The following INTS3 variants were observed in gnomAD, a reference collection of about 807,000 sequenced individuals.
INTS3 encodes SOSS complex subunit A.
A neutral mutation model predicts 146.3 loss-of-function variants in INTS3; 34 were observed. That is an observed-to-expected ratio of 0.23 (90% CI 0.18 to 0.31). The LOEUF (loss-of-function observed/expected upper bound fraction) is 0.31, where lower values mean the gene tolerates loss of function less well. Ranked by LOEUF, INTS3 falls within the 10% of genes least tolerant of loss-of-function variation. INTS3 has a pLI of 1.00. For synonymous variants in INTS3, 475 were observed against 494.9 expected, an observed-to-expected ratio of 0.96 and a Z score of 0.53; for missense variants, 757 against 1,304.2, an observed-to-expected ratio of 0.58 and a Z score of 6.46.
At position 153,728,118 on chromosome 1, in the gene INTS3, G is replaced by T. The variant is rs560175716; in HGVS notation, c.-517G>T. 24 of 387,386 alleles carry T rather than the reference G, an allele frequency of 6.2e-5. No homozygotes were observed. The Admixed American group carries it at 1.1e-3, about 18-fold the overall frequency. The allele number at this position is 387,386 out of a possible 1,614,324, so 24.0% of individuals were successfully genotyped here. A position where few individuals can be genotyped will look rare whatever the true frequency, so the allele number is the denominator to read the frequency against. ...GTGTGGGGAGACGCTGGTCCTCCCC[G>T]TCCTCCCATAGCGCTTATTGCCTCA... On this transcript the variant is annotated 5_prime_UTR_variant, in exon 1 of 30. Coordinates refer to ENST00000318967, the MANE Select transcript of INTS3 (RefSeq NM_023015.5).
At chr1:153,763,778 T>C in intron 16 of INTS3, 54 bp from the exon 17 acceptor site, 1 of 1,469,952 alleles carries the variant, frequency 6.8e-7, no homozygotes, top group East Asian at 2.3e-5. Flanking sequence ...GTGTGTGTCC[T>C]GCCCTCTGCT....
intron 10 of INTS3, among the ~76,000 whole-genome samples, chr1:153,758,479 A>T (rs1413895508): frequency 6.6e-6 from 1 of 152,182 alleles, no homozygotes; most frequent in Non-Finnish European, 1.5e-5. Context: ...ATTGTCCCCT[A>T]TGGGAATCAG....
In INTS3 at chr1:153,763,357, G is replaced by T; in HGVS notation, c.1761G>T (p.Lys587Asn). The change falls in exon 16 of 30, where the codon AAG becomes AAT. Residue 587 changes from lysine (K) to asparagine (N), a missense_variant. Transcript: ENST00000318967. ...SLRDKVLQLQ[K>N]GSDTEAQCEV... Reference sequence around the variant, plus strand: ...GGGACAAAGTACTCCAGCTACAGAAGGGGAGGTGGGTACAGACCTTGTTCT... The same window carrying T: ...GGGACAAAGTACTCCAGCTACAGAATGGGAGGTGGGTACAGACCTTGTTCT... The T allele has an allele frequency of 6.2e-7, 1 of 1,614,040 alleles. No individual in the cohort carries two copies. The highest frequency in any genetic ancestry group is 1.1e-5 in the South Asian group (1 of 91,080).
intron 22 of INTS3, among the ~76,000 whole-genome samples, chr1:153,769,396 A>G (rs1367210942): frequency 1.3e-5 from 2 of 151,674 alleles, no homozygotes; most frequent in Non-Finnish European, 2.9e-5. Flanking sequence ...CCTCCTCTCC[A>G]CTTAGTTCTC....
chr1:153,770,178 GTTTCT>G lies in INTS3; in HGVS notation c.2390-16_2390-12del. ...TCGTTTGTTCATTCTTGAGAGAGAT[GTTTCT>G]TTTGTCTCTTCCAGTTCAGAGCCTA... On this transcript the variant is annotated splice_polypyrimidine_tract_variant and intron_variant, in intron 23 of 29. Transcript: ENST00000318967. 2 of 1,443,010 alleles carry G rather than the reference GTTTCT, an allele frequency of 1.4e-6. No homozygotes were observed. The highest frequency in any genetic ancestry group is 1.9e-6 in the Non-Finnish European group (2 of 1,029,762). 89.4% of individuals were successfully genotyped at this position (1,443,010 alleles called of 1,614,324 possible).
chr1:153,755,357 G>A (rs1672123162), intron 9 of INTS3, among the ~76,000 whole-genome samples: 2 of 152,146 alleles, frequency 1.3e-5, no homozygotes, highest in African/African-American at 2.4e-5. Context: ...TCCGCCTGTT[G>A]GGTTCAAGTG....
At position 153,764,690 on chromosome 1, in the gene INTS3, G is replaced by A. The variant is rs1234642692; in HGVS notation, c.1926G>A (p.Glu642=). The change falls in exon 19 of 30, where the codon GAG becomes GAA. Residue 642 remains glutamate (E), a splice_region_variant and synonymous_variant. Coordinates refer to ENST00000318967, the MANE Select transcript of INTS3 (RefSeq NM_023015.5). Reference sequence around the variant, plus strand: ...CTCAAATATAACCCTCTTCTTGTAGGTCCCTGGAGGAGTCTGTAGGAAAGC... The same window carrying A: ...CTCAAATATAACCCTCTTCTTGTAGATCCCTGGAGGAGTCTGTAGGAAAGC... ...GEVLPEEITE[E]SLEESVGKPL... 1 of 1,606,720 alleles carries A rather than the reference G, an allele frequency of 6.2e-7. No homozygotes were observed. The highest frequency in any genetic ancestry group is 8.5e-7 in the Non-Finnish European group (1 of 1,173,326).
Position 153,741,354 on chromosome 1 carries a change from G to A in INTS3, c.304G>A (p.Ala102Thr), listed in dbSNP as rs1338196544. The change falls in exon 3 of 30, where the codon GCC becomes ACC. Residue 102 changes from alanine to threonine, a missense_variant. Ala to Thr is a moderately conservative substitution (Grantham distance 58, BLOSUM62 0). Around this residue, in one of 8 missense-constraint regions of INTS3, gnomAD observed 160 missense variants for 193.7 expected, o/e 0.83. Coordinates refer to ENST00000318967, the MANE Select transcript of INTS3 (RefSeq NM_023015.5). ...GLFTLILTEP[A>T]QAQKCYRDLA... ...GTTTACTCTCATCCTCACTGAACCT[G>A]CCCAAGCCCAGAAGGTAAGGCACCC... 1 of 1,613,544 alleles carries A rather than the reference G, an allele frequency of 6.2e-7. No homozygotes were observed. The highest frequency in any genetic ancestry group is 1.1e-5 in the South Asian group (1 of 91,078).
At chr1:153,732,211 C>T (rs1263134832) in intron 1 of INTS3, among the ~76,000 whole-genome samples, 3 of 151,934 alleles carry the variant, frequency 2.0e-5, no homozygotes, top group Non-Finnish European at 2.9e-5. Flanking sequence ...CCAGAGCTTC[C>T]TCTTAAGCGC....
At chr1:153,742,090 A>G (rs1011146682) in intron 3 of INTS3, among the ~76,000 whole-genome samples, 1 of 152,228 alleles carries the variant, frequency 6.6e-6, no homozygotes, top group Non-Finnish European at 1.5e-5. Context: ...CAGGATGCTC[A>G]TGGTTCCTTG....
rs79231005 is a variant in INTS3 at position 153,745,567 on chromosome 1, G to A, written c.319-1390G>A. 6.8e-3 allele frequency among the ~76,000 whole-genome samples: 1,028 copies of A among 151,852 alleles called. 15 individuals are homozygous for A. Among genetic ancestry groups the A allele is most frequent in the African/African-American group, 0.024 (984 of 41,346 alleles). On this transcript the variant is annotated intron_variant, in intron 3 of 29. Transcript: ENST00000318967. ...CTACTCTTTCTGATGAGATCCTGACGGGATAGAACTCAGCAGGCTAAGGAA... is the reference window on the plus strand; with the variant it reads ...CTACTCTTTCTGATGAGATCCTGACAGGATAGAACTCAGCAGGCTAAGGAA...
intron 1 of INTS3, among the ~76,000 whole-genome samples, chr1:153,731,178 T>TA (rs1337832969): frequency 2.6e-5 from 4 of 151,756 alleles, no homozygotes; most frequent in Admixed American, 6.6e-5. Flanking sequence ...CACAAGAAGG[T>TA]AAAAAAACAA....
intron 7 of INTS3, 193 bp from the exon 8 acceptor site, chr1:153,752,086 C>A: frequency 1.6e-6 from 1 of 621,080 alleles, no homozygotes; most frequent in Non-Finnish European, 2.8e-6. Context: ...TCCTTGATAT[C>A]AGTCCCCAGC....
chr1:153,756,544 G>T (rs185912622), intron 9 of INTS3, among the ~76,000 whole-genome samples: 2 of 151,818 alleles, frequency 1.3e-5, no homozygotes. Flanking sequence ...GGCCAAGTGC[G>T]GTGGCTCACG....
At chr1:153,736,453 T>TTG (rs1233531526) in intron 1 of INTS3, among the ~76,000 whole-genome samples, 1 of 146,366 alleles carries the variant, frequency 6.8e-6, no homozygotes, top group East Asian at 1.9e-4. Flanking sequence ...CTTTTATCCT[T>TTG]TTTTTTTTTT....
intron 21 of INTS3, 111 bp downstream of exon 21, chr1:153,767,938 G>T: frequency 9.2e-7 from 1 of 1,087,856 alleles, no homozygotes; most frequent in Non-Finnish European, 1.2e-6. Context: ...CACTAACCTA[G>T]GTGGGCCATT....
chr1:153,768,742 T>C, intron 21 of INTS3, 151 bp from the exon 22 acceptor site: 4 of 628,596 alleles, frequency 6.4e-6, no homozygotes, highest in Non-Finnish European at 5.7e-6. Context: ...TCCAGCATCA[T>C]AGCTGTTGGA....
chr1:153,764,909 A>T (rs759350064), intron 19 of INTS3, 35 bp from the exon 20 acceptor site: 1 of 1,613,738 alleles, frequency 6.2e-7, no homozygotes, highest in African/African-American at 1.3e-5. Context: ...CCCTGGGTAA[A>T]GTTCTGTTCC....
intron 8 of INTS3, among the ~76,000 whole-genome samples, chr1:153,752,620 A>G (rs1383200973): frequency 1.3e-5 from 2 of 152,024 alleles, no homozygotes; most frequent in Non-Finnish European, 2.9e-5. Context: ...TACTTGGCAG[A>G]CTCCAGCTGC....
Sources: gnomAD v4.1 joint callset for allele counts (sites outside exome capture counted in the v4.1 genomes callset) on GRCh38, gnomAD v4.1.1 for gene constraint, gnomAD v4.1.1 regional missense constraint, MANE v1.5 for transcripts, NCBI Gene and HGNC (gene_info 2026-07-23, HGNC 2026-07-21) for gene names.